The following EIF4ENIF1 variants were observed in gnomAD, a reference collection of about 807,000 sequenced individuals.
EIF4ENIF1 encodes the protein eukaryotic translation initiation factor 4E nuclear import factor 1.
EIF4ENIF1 carries 23 observed loss-of-function variants against 110.5 expected under a neutral mutation model. The observed-to-expected ratio is 0.21, with a 90% CI of 0.15 to 0.29. The LOEUF (loss-of-function observed/expected upper bound fraction) is 0.29, where lower values mean the gene tolerates loss of function less well. Among genes scored for constraint, EIF4ENIF1 ranks in the 10% least tolerant of loss-of-function variants. The probability of loss-of-function intolerance (pLI) is 1.00; values close to 1 mark genes in which losing one functional copy is unlikely to be tolerated. For synonymous variants in EIF4ENIF1, 440 were observed against 437.0 expected (o/e 1.01, Z -0.09); for missense variants, 1,031 against 1,221.1 (o/e 0.84, Z 2.32).
At chr22:31,488,520 G>A (rs567725869) in intron 2 of EIF4ENIF1, 103 bp downstream of exon 2, 13 of 1,491,828 alleles carry the variant, frequency 8.7e-6, no homozygotes, top group South Asian at 1.2e-5. Flanking sequence ...TCCATGTAGT[G>A]AGTCAGAATG....
intron 2 of EIF4ENIF1, among the ~76,000 whole-genome samples, chr22:31,476,283 T>G (rs1425034545): frequency 6.6e-6 from 1 of 152,186 alleles, no homozygotes; most frequent in East Asian, 1.9e-4. Flanking sequence ...AGTGGTGTTT[T>G]GTTTGAAACT....
intron 2 of EIF4ENIF1, among the ~76,000 whole-genome samples, chr22:31,472,125 C>T (rs549683631): frequency 1.3e-5 from 2 of 152,312 alleles, no homozygotes; most frequent in East Asian, 3.9e-4. Flanking sequence ...TGATCAGTTT[C>T]TGGCTAAAAC....
intron 2 of EIF4ENIF1, among the ~76,000 whole-genome samples, chr22:31,477,376 A>AAAAAAAAG (rs2051622142): frequency 1.8e-5 from 1 of 55,108 alleles, no homozygotes; most frequent in Non-Finnish European, 4.0e-5. Context: ...AAAAAAAAAC[A>AAAAAAAAG]AAAAAAACAA....
rs537081803 is a variant in EIF4ENIF1 at position 31,456,375 on chromosome 22, C to T, written c.964-388G>A. Among the ~76,000 whole-genome samples, 333 of 151,988 alleles carry T rather than the reference C, an allele frequency of 2.2e-3. 6 individuals carry two copies. The highest frequency in any genetic ancestry group is 3.5e-3 in the South Asian group (17 of 4,822). On this transcript the variant is annotated intron_variant, in intron 7 of 18. Transcript: ENST00000330125. ...AGTAGCTGGGACTACAGGCGCCTGC[C>T]ACCACGCCCGGCTAATTTTTTGTAT...
At chr22:31,483,651 T>C (rs914819613) in intron 2 of EIF4ENIF1, among the ~76,000 whole-genome samples, 35 of 152,144 alleles carry the variant, frequency 2.3e-4, no homozygotes, top group African/African-American at 8.4e-4. Flanking sequence ...TTTGTATTTC[T>C]AACAAGTTAC....
rs1041516113 is a variant in EIF4ENIF1 at position 31,456,042 on chromosome 22, G to A, written c.964-55C>T. 8 of 1,578,076 alleles carry A rather than the reference G, an allele frequency of 5.1e-6. No homozygotes were observed. In the African/African-American group the frequency reaches 1.1e-4, roughly 21 times the overall value. On this transcript the variant is annotated intron_variant, in intron 7 of 18. Transcript: ENST00000330125. ...TTTCTAGATGAAAAAGGACAAGAAGGTTTAAATCTTATGAAAGGGTCACTT... is the reference window on the plus strand; with the variant it reads ...TTTCTAGATGAAAAAGGACAAGAAGATTTAAATCTTATGAAAGGGTCACTT...
intron 3 of EIF4ENIF1, among the ~76,000 whole-genome samples, chr22:31,470,685 C>CT (rs1174357066): frequency 0.062 from 7,535 of 122,010 alleles, 485 homozygotes; most frequent in East Asian, 0.34. Context: ...TTAAATAGGA[C>CT]TTTTTTTTTT....
In EIF4ENIF1 at chr22:31,441,921, T is replaced by G. The variant is rs762374035; in HGVS notation, c.2404A>C (p.Thr802Pro). The G allele has an allele frequency of 5.6e-6, 9 of 1,613,948 alleles. No individual in the cohort carries two copies. The highest frequency in any genetic ancestry group is 2.2e-5 in the South Asian group (2 of 91,086). Residue 802 changes from threonine to proline, a missense_variant, in exon 17 of 19, where the codon ACA becomes CCA. Coordinates refer to ENST00000330125, the MANE Select transcript of EIF4ENIF1 (RefSeq NM_019843.4). The part of the protein sequence containing the change: ...TPTLASPVPT[T>P]PFLRPVHQVP... ...TGGTGGACAGGGCGGAGAAAAGGTG[T>G]TGTAGGAACTGGGGATGCCAAGGTG...
At chr22:31,444,044 T>TA (rs1263009119) in intron 15 of EIF4ENIF1, among the ~76,000 whole-genome samples, 7 of 152,116 alleles carry the variant, frequency 4.6e-5, no homozygotes, top group Non-Finnish European at 1.0e-4. Flanking sequence ...ACAATCTACC[T>TA]ACCTCGGCCT....
At chr22:31,462,284 C>T (rs1004592170) in intron 6 of EIF4ENIF1, among the ~76,000 whole-genome samples, 1 of 151,988 alleles carries the variant, frequency 6.6e-6, no homozygotes, top group African/African-American at 2.4e-5. Flanking sequence ...GAGTTCGAGA[C>T]CAGCCTGGGC....
chr22:31,445,929 A>G (rs1332990958), intron 14 of EIF4ENIF1, among the ~76,000 whole-genome samples: 1 of 146,034 alleles, frequency 6.8e-6, no homozygotes, highest in Non-Finnish European at 1.5e-5. Flanking sequence ...TGTTTTCTGT[A>G]TCTGTAAAAT....
rs2050243501 is a variant in EIF4ENIF1 at position 31,440,050 on chromosome 22, T to G, written c.2788A>C (p.Ser930Arg). 1 of 1,613,954 alleles carries G rather than the reference T, an allele frequency of 6.2e-7. No individual in the cohort carries two copies. Among genetic ancestry groups the G allele is most frequent in the African/African-American group, 1.3e-5 (1 of 74,918 alleles). ...TGCATGTGGGGCAGGCCTGACCGGC[T>G]GGGCACGTTCTGAGGGGTTGTCTGA... is the stretch of plus-strand genomic sequence containing the variant. ...SVQTTPQNVP[S>R]RSGLPHMHSQ... is the part of the protein sequence containing the mutation. The change falls in exon 19 of 19, where the codon AGC (serine) becomes CGC (arginine). Residue 930 changes from serine (S) to arginine (R), a missense_variant. This residue lies in a region of EIF4ENIF1 where 309 missense variants were observed against 299.1 expected (regional missense o/e 1.03). Coordinates refer to ENST00000330125, the MANE Select transcript of EIF4ENIF1 (RefSeq NM_019843.4).
upstream of EIF4ENIF1, among the ~76,000 whole-genome samples, chr22:31,490,951 C>T (rs2052256353): frequency 6.6e-6 from 1 of 152,230 alleles, no homozygotes; most frequent in Non-Finnish European, 1.5e-5. Flanking sequence ...ACTAACTCAG[C>T]TCCCTTCTTG....
chr22:31,480,419 T>C (rs1437533062), intron 2 of EIF4ENIF1, among the ~76,000 whole-genome samples: 2 of 152,210 alleles, frequency 1.3e-5, no homozygotes, highest in Non-Finnish European at 2.9e-5. Flanking sequence ...TCTGACATTA[T>C]GTAGAATTTC....
chr22:31,447,537 G>A lies in EIF4ENIF1; in HGVS notation c.1877C>T (p.Ala626Val). The change falls in exon 14 of 19, where the codon GCT becomes GTT. Residue 626 changes from alanine to valine, a missense_variant. Ala to Val is a moderately conservative substitution (Grantham distance 64, BLOSUM62 0). Coordinates refer to ENST00000330125, the MANE Select transcript of EIF4ENIF1 (RefSeq NM_019843.4). ...ATGTGGCAAGGCCAGCCCTTCTAAA[G>A]CTGCCTGTTGCAACTCCAGCTGGCT... Reference protein sequence around the residue: ...QMSQLELQQAALEGLALPHDL... With the variant: ...QMSQLELQQAVLEGLALPHDL... The A allele has an allele frequency of 1.2e-6, 2 of 1,608,126 alleles. No homozygotes were observed. The highest frequency in any genetic ancestry group is 2.2e-5 in the South Asian group (2 of 90,530).
At chr22:31,449,623 T>G (rs1262260087) in intron 11 of EIF4ENIF1, 92 bp from the exon 12 acceptor site, 10 of 1,179,624 alleles carry the variant, frequency 8.5e-6, no homozygotes, top group African/African-American at 1.5e-5. Context: ...AGCCACAAGA[T>G]GGATCTCCCT....
At chr22:31,446,882 G>T in intron 14 of EIF4ENIF1, 1 of 303,042 alleles carries the variant, frequency 3.3e-6, no homozygotes, top group Non-Finnish European at 7.0e-6. Context: ...TGCAACTATC[G>T]AAAAAGAGAA....
At chr22:31,485,692 T>C (rs922721485) in intron 2 of EIF4ENIF1, among the ~76,000 whole-genome samples, 1 of 151,728 alleles carries the variant, frequency 6.6e-6, no homozygotes, top group Non-Finnish European at 1.5e-5. Context: ...TAATCCCACC[T>C]ACTCAGGAGG....
At chr22:31,456,353 A>T (rs1332282774) in intron 7 of EIF4ENIF1, among the ~76,000 whole-genome samples, 1 of 150,920 alleles carries the variant, frequency 6.6e-6, no homozygotes, top group African/African-American at 2.4e-5. Flanking sequence ...CCTCCTGAGT[A>T]GCTGGGACTA....
Sources: allele counts gnomAD v4.1 joint callset (sites outside exome capture counted in the v4.1 genomes callset), GRCh38; gene constraint gnomAD v4.1.1; regional missense constraint gnomAD v4.1.1; transcripts MANE v1.5; gene names NCBI Gene and HGNC (gene_info 2026-07-23, HGNC 2026-07-21).